The following GAK variants were observed in gnomAD, a reference collection of about 807,000 sequenced individuals.
The protein encoded by GAK is cyclin G associated kinase, also known as cyclin-G-associated kinase.
GAK carries 79 observed loss-of-function variants against 143.9 expected under a neutral mutation model. That is an observed-to-expected ratio of 0.55 (90% CI 0.46 to 0.66). The LOEUF is 0.66. GAK is among the 30% of genes least tolerant of loss of function. The probability of loss-of-function intolerance (pLI) is 0.00; values close to 1 mark genes in which losing one functional copy is unlikely to be tolerated. For synonymous variants in GAK, 881 were observed against 765.5 expected, an observed-to-expected ratio of 1.15 and a Z score of -2.49; for missense variants, 1,693 against 1,779.7, an observed-to-expected ratio of 0.95 and a Z score of 0.88.
chr4:917,772 T>A (rs1473133157), intron 1 of GAK, among the ~76,000 whole-genome samples: 1 of 152,260 alleles, frequency 6.6e-6, no homozygotes, highest in Non-Finnish European at 1.5e-5. Flanking sequence ...ATTTAAAACA[T>A]GCAGCCTGTA....
Position 867,004 on chromosome 4 carries a change from G to A in GAK, c.2824C>T (p.Pro942Ser), listed in dbSNP as rs773749358. The stretch of plus-strand genomic sequence containing the variant: ...GGGGTGCTCTGCACGCTCAGGGGAG[G>A]GGCCGGGCTTGCCAGGAGCAGCGGG... ...EDPLLLASPA[P>S]PLSVQSTPRG... is the part of the protein sequence containing the mutation. The change falls in exon 21 of 28, where the codon CCT becomes TCT. Residue 942 changes from proline (P) to serine (S), a missense_variant. Around this residue, in one of 2 missense-constraint regions of GAK, gnomAD observed 822 missense variants for 788.7 expected, o/e 1.04. Transcript: ENST00000314167. 42 of 1,500,786 alleles carry A rather than the reference G, an allele frequency of 2.8e-5. 1 individual carries two copies. The South Asian group carries it at 5.1e-4, about 18-fold the overall frequency. The allele number at this position is 1,500,786 out of a possible 1,614,324, so 93.0% of individuals were successfully genotyped here.
rs915103345 is a variant in GAK at position 922,699 on chromosome 4, A to C, written c.146-9031T>G. ...AGCCTAACCAGGCTGATACGCTCCT[A>C]CATTGCTGGTGGGAATGTATGGCCA... On this transcript the variant is annotated intron_variant, in intron 1 of 27. Coordinates refer to ENST00000314167, the MANE Select transcript of GAK (RefSeq NM_005255.4). 1.3e-5 allele frequency among the ~76,000 whole-genome samples: 2 copies of C among 152,132 alleles called. 1 individual carries two copies. The highest frequency in any genetic ancestry group is 4.1e-4 in the South Asian group (2 of 4,826).
chr4:851,773 C>A lies in GAK; in HGVS notation c.3485G>T (p.Arg1162Leu). The change falls in exon 25 of 28, where the codon CGG (arginine) becomes CTG (leucine). Residue 1162 changes from arginine to leucine, a missense_variant. Coordinates refer to ENST00000314167, the MANE Select transcript of GAK (RefSeq NM_005255.4). ...ACCAAAGCTGGGTGCGCGGACCCCC[C>A]GCTCCTCCCGCGCCCCGATCACACT... ...NFSVIGAREE[R>L]GVRAPSFAQK... 1.2e-6 allele frequency: 2 copies of A among 1,613,198 alleles called. No individual in the cohort carries two copies. Among genetic ancestry groups the A allele is most frequent in the Non-Finnish European group, 1.7e-6 (2 of 1,179,718 alleles).
chr4:865,446 G>A (rs539575527), intron 22 of GAK, among the ~76,000 whole-genome samples: 6 of 151,826 alleles, frequency 4.0e-5, no homozygotes, highest in African/African-American at 1.2e-4. Context: ...GTGGACGTAG[G>A]GGCACCAGCA....
intron 5 of GAK, among the ~76,000 whole-genome samples, chr4:899,454 A>G (rs1719439174): frequency 1.3e-5 from 2 of 151,930 alleles, no homozygotes. Flanking sequence ...CCGAGAGGGC[A>G]GCACACCAGC....
chr4:924,377 G>C (rs756141371), intron 1 of GAK, among the ~76,000 whole-genome samples: 67 of 152,196 alleles, frequency 4.4e-4, no homozygotes, highest in Middle Eastern at 6.8e-3. Context: ...AGCTACCGTG[G>C]AAGGAGGTTT....
Position 893,975 on chromosome 4 carries a change from CG to C in GAK, c.775del (p.Arg259GlyfsTer13). On this transcript the variant is annotated frameshift_variant, in exon 8 of 28. Coordinates refer to ENST00000314167, the MANE Select transcript of GAK (RefSeq NM_005255.4). LOFTEE classifies it high-confidence loss of function. ...CGCTCCATCCTCAAAAGGGTGCTGC[CG>C]GAAGCACAGCAGGTACAAGATGCAG... Reference protein sequence around the residue: ...LGCILYLLCFRQHPFEDGAKL... With the variant: ...LGCILYLLCFXQHPFEDGAKL... The C allele has an allele frequency of 1.2e-6, 2 of 1,612,006 alleles. No individual in the cohort carries two copies. The highest frequency in any genetic ancestry group is 1.7e-6 in the Non-Finnish European group (2 of 1,179,360).
Position 867,254 on chromosome 4 carries a change from C to A in GAK, c.2574G>T (p.Gln858His), listed in dbSNP as rs766292898. The A allele has an allele frequency of 5.6e-6, 9 of 1,613,232 alleles. No homozygotes were observed. In the African/African-American group the frequency reaches 6.7e-5, roughly 12 times the overall value. Residue 858 changes from glutamine (Q) to histidine (H), a missense_variant, in exon 21 of 28, where the codon CAG becomes CAT. Around this residue, in one of 2 missense-constraint regions of GAK, gnomAD observed 822 missense variants for 788.7 expected, o/e 1.04. Transcript: ENST00000314167. The stretch of plus-strand genomic sequence containing the variant: ...TCTCCACCTCAAAAACCAAGTCCTG[C>A]TGCACCAGCCCTGCTGCCAGGCCGG... ...EPPGLAAGLV[Q>H]QDLVFEVETP...
In GAK at chr4:867,131, C is replaced by T. The variant is rs1227013618; in HGVS notation, c.2697G>A (p.Gln899=). ...TGTTGCTGGAGGGGGCCTTGCAGGC[C>T]TGCGGGGGTACAGCTGGCCCTGCGC... ...EVGAGPAVPP[Q]ACKAPSSNTD... Residue 899 remains glutamine, a synonymous_variant, in exon 21 of 28, where the codon CAG becomes CAA. Coordinates refer to ENST00000314167, the MANE Select transcript of GAK (RefSeq NM_005255.4). 3.0e-5 allele frequency: 48 copies of T among 1,586,678 alleles called. No individual in the cohort carries two copies. The highest frequency in any genetic ancestry group is 4.0e-5 in the Non-Finnish European group (47 of 1,163,272).
intron 26 of GAK, chr4:850,594 C>T (rs971611497): frequency 4.7e-6 from 1 of 211,774 alleles, no homozygotes; most frequent in African/African-American, 2.3e-5. Context: ...GACGCCTGCC[C>T]TCAACAGTCT....
chr4:858,418 G>A (rs532030507), intron 24 of GAK, among the ~76,000 whole-genome samples: 2 of 152,162 alleles, frequency 1.3e-5, no homozygotes, highest in Admixed American at 1.3e-4. Flanking sequence ...GGGATCCCTG[G>A]GAGTCCACTC....
intron 7 of GAK, 139 bp from the exon 8 acceptor site, chr4:894,148 G>T: frequency 1.0e-6 from 1 of 953,114 alleles, no homozygotes; most frequent in Non-Finnish European, 1.5e-6. Flanking sequence ...GCGCAGGGGT[G>T]ACACTGGGGA....
chr4:890,972 C>T (rs1717527076), intron 9 of GAK, among the ~76,000 whole-genome samples: 2 of 147,316 alleles, frequency 1.4e-5, no homozygotes, highest in African/African-American at 2.5e-5. Context: ...TTGGTAGAGA[C>T]AGAGTCTTGC....
intron 1 of GAK, among the ~76,000 whole-genome samples, chr4:916,125 A>G (rs1577305405): frequency 6.6e-6 from 1 of 152,374 alleles, no homozygotes; most frequent in East Asian, 1.9e-4. Flanking sequence ...AAAAATAATG[A>G]TAAATGGACT....
rs188891493 is a variant in GAK at position 884,023 on chromosome 4, T to A, written c.1255+14A>T. 1 of 1,612,632 alleles carries A rather than the reference T, an allele frequency of 6.2e-7. No homozygotes were observed. Among genetic ancestry groups the A allele is most frequent in the Non-Finnish European group, 8.5e-7 (1 of 1,178,988 alleles). On this transcript the variant is annotated intron_variant, in intron 12 of 27. Transcript: ENST00000314167. ...GGCCGGGGCGCGTCCCACAGCCTCATGTGGCACGCATACCTGCAATTCTGG... is the reference window on the plus strand; with the variant it reads ...GGCCGGGGCGCGTCCCACAGCCTCAAGTGGCACGCATACCTGCAATTCTGG...
chr4:892,158 C>T (rs1717798634), intron 9 of GAK, among the ~76,000 whole-genome samples: 1 of 152,202 alleles, frequency 6.6e-6, no homozygotes, highest in Non-Finnish European at 1.5e-5. Flanking sequence ...CGGGCAGCAG[C>T]TCTGACCTTC....
chr4:900,499 TAC>T lies in GAK; in HGVS notation c.526-2343_526-2342del, dbSNP rs776018629. 1.1e-4 allele frequency among the ~76,000 whole-genome samples: 16 copies of T among 151,892 alleles called. No individual in the cohort carries two copies. The East Asian group carries it at 2.7e-3, about 26-fold the overall frequency. ...CCTTCTGTTTCTGTTCTCCTTAAAA[TAC>T]ACACTCAAGCCCCGCTACACGACCC... On this transcript the variant is annotated intron_variant, in intron 5 of 27. Transcript: ENST00000314167.
At chr4:905,471 ATGCCATGCTACGGACTCCGCCACG>A (rs1412670484) in intron 4 of GAK, among the ~76,000 whole-genome samples, 7 of 138,656 alleles carry the variant, frequency 5.0e-5, no homozygotes, top group Admixed American at 2.1e-4. Flanking sequence ...GCCACGCCCC[ATGCCATGCTACGGACTCCGCCACG>A]CCCCATGCCA....
chr4:909,731 C>T (rs1164454482), intron 4 of GAK, among the ~76,000 whole-genome samples: 2 of 152,212 alleles, frequency 1.3e-5, no homozygotes, highest in African/African-American at 4.8e-5. Flanking sequence ...GAGGGAAAGC[C>T]GCCGTGGGAC....
Sources: allele counts gnomAD v4.1 joint callset (sites outside exome capture counted in the v4.1 genomes callset), GRCh38; gene constraint gnomAD v4.1.1; regional missense constraint gnomAD v4.1.1; transcripts MANE v1.5; gene names NCBI Gene and HGNC (gene_info 2026-07-23, HGNC 2026-07-21).